TRRAP: variants seen among roughly 807,000 people sequenced by gnomAD.
TRRAP encodes the protein transformation/transcription domain-associated protein.
TRRAP carries 41 observed loss-of-function variants against 438.8 expected under a neutral mutation model. That is an observed-to-expected ratio of 0.09 (90% confidence interval 0.07 to 0.12). The LOEUF is 0.12. TRRAP is among the 10% of genes least tolerant of loss of function. The pLI, the probability that TRRAP is intolerant of heterozygous loss-of-function variation, is 1.00. For missense variants in TRRAP, 3,122 were observed against 5,055.1 expected, an observed-to-expected ratio of 0.62 and a Z score of 11.60; for synonymous variants, 1,994 against 1,962.9, an observed-to-expected ratio of 1.02 and a Z score of -0.42.
At chr7:98,981,274 C>T (rs1038527150) in intron 58 of TRRAP, among the ~76,000 whole-genome samples, 1 of 152,042 alleles carries the variant, frequency 6.6e-6, no homozygotes, top group Non-Finnish European at 1.5e-5. Context: ...TGGTGGCACA[C>T]GCCTGTAATC....
intron 1 of TRRAP, among the ~76,000 whole-genome samples, chr7:98,879,786 A>G (rs1296110974): frequency 3.9e-5 from 6 of 152,132 alleles, no homozygotes; most frequent in African/African-American, 1.4e-4. Context: ...GCATGGAAGA[A>G]GGGTTTTTGG....
chr7:98,939,210 A>G (rs943372005), intron 30 of TRRAP, among the ~76,000 whole-genome samples: 1 of 152,188 alleles, frequency 6.6e-6, no homozygotes, highest in Non-Finnish European at 1.5e-5. Flanking sequence ...TACTGGAGCT[A>G]CTTTTTTATT....
At position 98,994,954 on chromosome 7, in the gene TRRAP, C is replaced by A; in HGVS notation, c.10309+106C>A. 1 of 1,454,904 alleles carries A rather than the reference C, an allele frequency of 6.9e-7. No individual in the cohort carries two copies. Among genetic ancestry groups the A allele is most frequent in the Non-Finnish European group, 9.3e-7 (1 of 1,071,378 alleles). The allele number at this position is 1,454,904 out of a possible 1,614,324, so 90.1% of individuals were successfully genotyped here. On this transcript the variant is annotated intron_variant, in intron 67 of 72. Coordinates refer to ENST00000456197, the MANE Select transcript of TRRAP (RefSeq NM_001375524.1). This position sits in a 1 kb window ranked among gnomAD's most constrained non-coding sequence, Gnocchi z 4.8. ...GATCCTTGGTTTTCTGATCACTGCA[C>A]GGGGCACACTGGTTACACTCTGTTT...
At chr7:98,964,867 ATG>A in intron 48 of TRRAP, 92 bp downstream of exon 48, 2 of 1,419,464 alleles carry the variant, frequency 1.4e-6, no homozygotes, top group Non-Finnish European at 1.9e-6. Flanking sequence ...TCTAAAGGGA[ATG>A]TGCATTCACC....
intron 7 of TRRAP, 23 bp from the exon 8 acceptor site, chr7:98,897,718 A>G: frequency 1.2e-6 from 2 of 1,600,314 alleles, no homozygotes; most frequent in African/African-American, 1.4e-5. Context: ...TTAGGAAAAA[A>G]TATTTTTATG....
rs782352971 is a variant in TRRAP, at chr7:98,890,364, A to G, written c.180A>G (p.Thr60=). ...TCACGTCATCTCCTCAGTATTCTAC[A>G]TTCCTAGAACATATCATCCCTCGAT... ...ENVTSSPQYS[T]FLEHIIPRFL... is the part of the protein sequence containing the mutation. Residue 60 remains threonine, a synonymous_variant, in exon 4 of 73, where the codon ACA becomes ACG. Coordinates refer to ENST00000456197, the MANE Select transcript of TRRAP (RefSeq NM_001375524.1). The G allele has an allele frequency of 3.1e-6, 5 of 1,596,646 alleles. No individual in the cohort carries two copies. Among genetic ancestry groups the G allele is most frequent in the Non-Finnish European group, 4.3e-6 (5 of 1,174,818 alleles).
intron 49 of TRRAP, among the ~76,000 whole-genome samples, chr7:98,966,199 G>A (rs1056285959): frequency 3.3e-5 from 5 of 151,784 alleles, no homozygotes; most frequent in Non-Finnish European, 7.4e-5. Context: ...CCAGCTACTC[G>A]GGAGGCTGAG....
Position 98,903,534 on chromosome 7 carries a change from T to A in TRRAP, c.1036+17T>A. ...TGAGAAACCGTACGTCCAGCCTGTC[T>A]TGTCTTGAATGCTGATGCTAGTCCT... On this transcript the variant is annotated intron_variant, in intron 12 of 72. Coordinates refer to ENST00000456197, the MANE Select transcript of TRRAP (RefSeq NM_001375524.1). 1.9e-6 allele frequency: 3 copies of A among 1,613,822 alleles called. No individual in the cohort carries two copies. Among genetic ancestry groups the A allele is most frequent in the Non-Finnish European group, 2.5e-6 (3 of 1,179,892 alleles).
Position 98,910,617 on chromosome 7 carries a change from T to C in TRRAP, c.1812+10T>C, listed in dbSNP as rs1789204901. The C allele has an allele frequency of 1.9e-6, 3 of 1,605,076 alleles. No individual in the cohort carries two copies. Among genetic ancestry groups the C allele is most frequent in the African/African-American group, 1.3e-5 (1 of 74,444 alleles). On this transcript the variant is annotated intron_variant, in intron 16 of 72. Transcript: ENST00000456197. ...TTTAGATATTTATCAGGTAAGGAAG[T>C]GCCCTCCAGCCAGGCTTTCGCATAT...
rs977404273 is a variant in TRRAP, at chr7:98,892,164, C to A, written c.262-260C>A. Among the ~76,000 whole-genome samples, 203 of 152,138 alleles carry A rather than the reference C, an allele frequency of 1.3e-3. 2 individuals are homozygous for A. The highest frequency in any genetic ancestry group is 2.6e-4 in the Non-Finnish European group (18 of 68,032). ...GTGTCCGTTGGACTTACTGATAAGC[C>A]GTGGAAGGGGAGAAATTGGCTTAGT... is the stretch of plus-strand genomic sequence containing the variant. On this transcript the variant is annotated intron_variant, in intron 4 of 72. Coordinates refer to ENST00000456197, the MANE Select transcript of TRRAP (RefSeq NM_001375524.1).
chr7:98,972,876 T>C (rs1388118966), intron 53 of TRRAP, among the ~76,000 whole-genome samples: 1 of 152,228 alleles, frequency 6.6e-6, no homozygotes, highest in African/African-American at 2.4e-5. Context: ...CATTGTCATC[T>C]TGGATAAGGA....
rs910006866 is a variant in TRRAP, at chr7:98,908,613, T to C, written c.1116-115T>C. 8.8e-5 allele frequency: 77 copies of C among 872,644 alleles called. No homozygotes were observed. Among genetic ancestry groups the C allele is most frequent in the Non-Finnish European group, 1.3e-4 (74 of 561,462 alleles). 54.1% of individuals were successfully genotyped at this position (872,644 alleles called of 1,614,324 possible). A position where few individuals can be genotyped will look rare whatever the true frequency, so the allele number is the denominator to read the frequency against. On this transcript the variant is annotated intron_variant, in intron 13 of 72. Coordinates refer to ENST00000456197, the MANE Select transcript of TRRAP (RefSeq NM_001375524.1). This position sits in a 1 kb window ranked among gnomAD's most constrained non-coding sequence, Gnocchi z 4.1. ...AGTAATGTGGTGAAAATGGGCCATG[T>C]AAGTGTGCCGACCCAGGGGTGGTGT...
chr7:98,910,121 G>C lies in TRRAP; in HGVS notation c.1416G>C (p.Lys472Asn). 1 of 1,608,162 alleles carries C rather than the reference G, an allele frequency of 6.2e-7. No individual in the cohort carries two copies. The highest frequency in any genetic ancestry group is 8.5e-7 in the Non-Finnish European group (1 of 1,177,026). The change falls in exon 15 of 73, where the codon AAG (lysine) becomes AAC (asparagine). Residue 472 changes from lysine to asparagine, a missense_variant. Physicochemically the swap from Lys to Asn is moderately conservative, Grantham distance 94. Transcript: ENST00000456197. ...YQLSAIFKKC[K>N]PQSELGAVEA... ...TCTCTGCCATTTTTAAGAAGTGTAA[G>C]CCTCAGTCAGAACTTGGAGCCGTGG...
In TRRAP at chr7:98,981,834, C is replaced by T. The variant is rs1792936902; in HGVS notation, c.8700C>T (p.Ile2900=). 6.2e-7 allele frequency: 1 copy of T among 1,605,494 alleles called. No homozygotes were observed. Among genetic ancestry groups the T allele is most frequent in the Non-Finnish European group, 8.5e-7 (1 of 1,176,686 alleles). Residue 2900 remains isoleucine (I), a synonymous_variant, in exon 59 of 73, where the codon ATC becomes ATT. Transcript: ENST00000456197. ...KVNMYRGYLA[I]CHPEEQQLSF... is the part of the protein sequence containing the mutation. Reference sequence around the variant, plus strand: ...ACATGTACCGCGGATACCTGGCCATCTGCCACCCCGAGGAGCAGCAGCTCA... The same window carrying T: ...ACATGTACCGCGGATACCTGGCCATTTGCCACCCCGAGGAGCAGCAGCTCA...
intron 3 of TRRAP, among the ~76,000 whole-genome samples, chr7:98,889,630 C>G (rs1469539982): frequency 6.7e-6 from 1 of 149,862 alleles, no homozygotes; most frequent in Non-Finnish European, 1.5e-5. Flanking sequence ...TCACTGCTGC[C>G]TTGAACTCCC....
At position 98,983,184 on chromosome 7, in the gene TRRAP, C is replaced by T; in HGVS notation, c.8827-80C>T. 34 of 1,317,078 alleles carry T rather than the reference C, an allele frequency of 2.6e-5. 2 individuals carry two copies. In the South Asian group the frequency reaches 4.7e-4, roughly 18 times the overall value. 81.6% of individuals were successfully genotyped at this position (1,317,078 alleles called of 1,614,324 possible). ...CATAAGATCTTTGCGATAATCATGT[C>T]CCCAATGGACTCTGGTGTGTTTTTC... On this transcript the variant is annotated intron_variant, in intron 59 of 72. Transcript: ENST00000456197.
chr7:99,011,321 T>C lies in TRRAP; in HGVS notation c.11143-20T>C. ...CGCCTTTCTGCTGAAGTTCCTAAAG[T>C]GTCTCCTTCTGAAATTTAGGACACT... On this transcript the variant is annotated intron_variant, in intron 71 of 72. Transcript: ENST00000456197. This position sits in a 1 kb window ranked among gnomAD's most constrained non-coding sequence, Gnocchi z 7.1. The C allele has an allele frequency of 6.2e-7, 1 of 1,613,130 alleles. No individual in the cohort carries two copies. The highest frequency in any genetic ancestry group is 8.5e-7 in the Non-Finnish European group (1 of 1,179,108).
chr7:98,878,695 C>G (rs1414460262), intron 1 of TRRAP, 58 bp downstream of exon 1: 1 of 152,116 alleles, frequency 6.6e-6, no homozygotes, highest in Non-Finnish European at 1.5e-5. Flanking sequence ...CCCTCAGGCG[C>G]GGGGAGGCCT....
chr7:98,942,860 C>T (rs1209503812), intron 30 of TRRAP, 89 bp from the exon 31 acceptor site: 2 of 1,427,236 alleles, frequency 1.4e-6, no homozygotes, highest in Admixed American at 1.8e-5. Flanking sequence ...TCACACTAAA[C>T]ACGATGGAAA....
Sources: gnomAD v4.1 joint callset for allele counts (sites outside exome capture counted in the v4.1 genomes callset) on GRCh38, gnomAD v4.1.1 for gene constraint, Gnocchi (gnomAD v3.1) non-coding constraint, MANE v1.5 for transcripts, NCBI Gene and HGNC (gene_info 2026-07-23, HGNC 2026-07-21) for gene names.